FKBP5: variants seen among roughly 807,000 people sequenced by gnomAD.
FKBP5 encodes the protein FKBP prolyl isomerase 5.
A neutral mutation model predicts 50.5 loss-of-function variants in FKBP5; 23 were observed. The ratio of observed to expected loss-of-function variants is 0.46; its 90% CI spans 0.33 to 0.65. FKBP5 has a LOEUF of 0.65. FKBP5 is among the 30% of genes least tolerant of loss of function. The pLI, the probability that FKBP5 is intolerant of heterozygous loss-of-function variation, is 0.02. For missense variants in FKBP5, 411 were observed against 553.1 expected (o/e 0.74, Z 2.58); for synonymous variants, 176 against 190.6 (o/e 0.92, Z 0.63).
chr6:35,703,060 G>A (rs748755905), intron 2 of FKBP5, among the ~76,000 whole-genome samples: 76 of 152,230 alleles, frequency 5.0e-4, no homozygotes, highest in African/African-American at 1.6e-3. Context: ...GACCAGCCTG[G>A]CCAACATGGC....
intron 1 of FKBP5, among the ~76,000 whole-genome samples, chr6:35,650,886 A>G (rs1764780709): frequency 6.6e-6 from 1 of 152,158 alleles, no homozygotes; most frequent in Non-Finnish European, 1.5e-5. Context: ...CTGGATTACA[A>G]TTATGCAAAT....
At position 35,583,026 on chromosome 6, in the gene FKBP5, G is replaced by A. The variant is rs924385413; in HGVS notation, c.841-2805C>T. 25 of 936,390 alleles carry A rather than the reference G, an allele frequency of 2.7e-5. 1 individual carries two copies. Among genetic ancestry groups the A allele is most frequent in the Non-Finnish European group, 2.8e-5 (22 of 785,392 alleles). The allele number at this position is 936,390 out of a possible 1,614,324, so 58.0% of individuals were successfully genotyped here. A position where few individuals can be genotyped will look rare whatever the true frequency, so the allele number is the denominator to read the frequency against. ...CTCTTAAGTCCAGGAGTTCGAAGCT[G>A]CAGTTAGCTATGCTTGTGCCACTGC... is the stretch of plus-strand genomic sequence containing the variant. On this transcript the variant is annotated intron_variant, in intron 8 of 10. Transcript: ENST00000357266.
chr6:35,719,526 A>C (rs996667242), intron 2 of FKBP5, among the ~76,000 whole-genome samples: 2 of 152,248 alleles, frequency 1.3e-5, no homozygotes, highest in East Asian at 3.8e-4. Context: ...ACATACAGAA[A>C]AATACACGGA....
rs373040535 is a variant in FKBP5 at position 35,658,102 on chromosome 6, C to T, written c.-19-15259G>A. Among the ~76,000 whole-genome samples, 12 of 151,332 alleles carry T rather than the reference C, an allele frequency of 7.9e-5. No homozygotes were observed. In the East Asian group the frequency reaches 9.7e-4, roughly 12 times the overall value. ...AAAAAAAATACAAAAATTGGCCAGG[C>T]GCAGTGGCTCATGCCTGTAATCCCA... On this transcript the variant is annotated intron_variant, in intron 1 of 10. Transcript: ENST00000357266.
At chr6:35,720,420 G>T (rs1012057378) in exon 2 of FKBP5, 4 of 152,638 alleles carry the variant, frequency 2.6e-5, no homozygotes, top group African/African-American at 9.6e-5. Context: ...CCTGCCCCTC[G>T]GGGGCTCCTT....
chr6:35,582,874 T>C lies in FKBP5; in HGVS notation c.841-2653A>G, dbSNP rs1049185574. Reference sequence around the variant, plus strand: ...TCAGGGTTTAGCACCAAGAGGTCTTTAATAAAGGTTTGTTGAGTAAATATT... The same window carrying C: ...TCAGGGTTTAGCACCAAGAGGTCTTCAATAAAGGTTTGTTGAGTAAATATT... On this transcript the variant is annotated intron_variant, in intron 8 of 10. Coordinates refer to ENST00000357266, the MANE Select transcript of FKBP5 (RefSeq NM_004117.4). The C allele has an allele frequency of 3.3e-5, 32 of 958,942 alleles. No homozygotes were observed. In the East Asian group the frequency reaches 3.5e-3, roughly 103 times the overall value. The allele number at this position is 958,942 out of a possible 1,614,324, so 59.4% of individuals were successfully genotyped here. A position where few individuals can be genotyped will look rare whatever the true frequency, so the allele number is the denominator to read the frequency against.
At chr6:35,610,872 T>C (rs905703138) in intron 5 of FKBP5, among the ~76,000 whole-genome samples, 2 of 152,140 alleles carry the variant, frequency 1.3e-5, no homozygotes, top group East Asian at 3.9e-4. Flanking sequence ...CTTATTTAAC[T>C]GGTCTGGGTG....
intron 1 of FKBP5, among the ~76,000 whole-genome samples, chr6:35,683,411 CAAAGTGTT>C (rs1765736349): frequency 6.6e-6 from 1 of 151,474 alleles, no homozygotes; most frequent in African/African-American, 2.4e-5. Context: ...CTTGGCTTCC[CAAAGTGTT>C]GAGGTGTTGA....
chr6:35,640,947 T>C (rs1385824337), intron 2 of FKBP5, among the ~76,000 whole-genome samples: 2 of 152,140 alleles, frequency 1.3e-5, no homozygotes, highest in Non-Finnish European at 2.9e-5. Context: ...TCTTCTTGAA[T>C]ACCTCCTGAG....
intron 6 of FKBP5, among the ~76,000 whole-genome samples, chr6:35,595,419 T>C (rs1328051681): frequency 6.6e-6 from 1 of 152,218 alleles, no homozygotes; most frequent in Non-Finnish European, 1.5e-5. Flanking sequence ...TCTCTGAGTT[T>C]AGAACTACTG....
intron 3 of FKBP5, among the ~76,000 whole-genome samples, chr6:35,623,873 T>C (rs1307676075): frequency 3.3e-5 from 5 of 151,906 alleles, no homozygotes; most frequent in Non-Finnish European, 5.9e-5. Flanking sequence ...AATACCACCA[T>C]GATTTTCTGT....
At chr6:35,599,774 C>G (rs377653233) in intron 5 of FKBP5, among the ~76,000 whole-genome samples, 3 of 152,178 alleles carry the variant, frequency 2.0e-5, no homozygotes, top group East Asian at 3.8e-4. Flanking sequence ...TTCTGTTAGA[C>G]TTACTTTTAG....
chr6:35,632,254 T>C (rs527616378), intron 3 of FKBP5, among the ~76,000 whole-genome samples: 1 of 152,316 alleles, frequency 6.6e-6, no homozygotes, highest in East Asian at 1.9e-4. Context: ...TCAGTTCCCT[T>C]AGATTGATTC....
intron 9 of FKBP5, among the ~76,000 whole-genome samples, chr6:35,577,777 C>T (rs767091575): frequency 2.6e-5 from 4 of 152,104 alleles, no homozygotes; most frequent in Non-Finnish European, 5.9e-5. Flanking sequence ...GAGTTAAGGC[C>T]GGGTGCAGTG....
intron 8 of FKBP5, chr6:35,585,162 T>G (rs1179306649): frequency 1.0e-6 from 1 of 980,200 alleles, no homozygotes. Context: ...TCCCAAACTG[T>G]TAATATTCTA....
At chr6:35,633,542 C>CAA (rs10714201) in intron 3 of FKBP5, among the ~76,000 whole-genome samples, 5 of 91,578 alleles carry the variant, frequency 5.5e-5, no homozygotes, top group African/African-American at 1.7e-4. Flanking sequence ...GATTCCATCT[C>CAA]AAAAAAAAAA....
At chr6:35,696,940 T>C (rs906581866) in intron 2 of FKBP5, among the ~76,000 whole-genome samples, 27 of 152,200 alleles carry the variant, frequency 1.8e-4, no homozygotes, top group African/African-American at 6.3e-4. Flanking sequence ...GTGCCAAGCA[T>C]TGGTGAGAAT....
intron 2 of FKBP5, among the ~76,000 whole-genome samples, chr6:35,696,511 CAAAA>C (rs5875522): frequency 2.3e-5 from 3 of 133,210 alleles, no homozygotes; most frequent in Non-Finnish European, 1.6e-5. Context: ...GACTCTGTCT[CAAAA>C]AAAAAAAAAA....
chr6:35,688,390 G>C (rs2151014422), intron 1 of FKBP5, among the ~76,000 whole-genome samples: 1 of 152,172 alleles, frequency 6.6e-6, no homozygotes, highest in East Asian at 1.9e-4. Context: ...GCCTGTCCGG[G>C]GAGAGCCGGG....
Sources: gnomAD v4.1 joint callset for allele counts (sites outside exome capture counted in the v4.1 genomes callset) on GRCh38, gnomAD v4.1.1 for gene constraint, MANE v1.5 for transcripts, NCBI Gene and HGNC (gene_info 2026-07-23, HGNC 2026-07-21) for gene names.